CDK14: variants seen among roughly 807,000 people sequenced by gnomAD.
CDK14 encodes the protein cyclin-dependent kinase 14.
Under a neutral mutation model 60.7 loss-of-function variants are expected in CDK14, and 34 were observed. The ratio of observed to expected loss-of-function variants is 0.56; its 90% confidence interval spans 0.43 to 0.75. CDK14 has a LOEUF of 0.75. Ranked by LOEUF, CDK14 falls within the 30% of genes least tolerant of loss-of-function variation. The probability of loss-of-function intolerance (pLI) is 0.00; values close to 1 mark genes in which losing one functional copy is unlikely to be tolerated. For missense variants in CDK14, 482 were observed against 564.1 expected, an observed-to-expected ratio of 0.85 and a Z score of 1.47; for synonymous variants, 197 against 203.7, an observed-to-expected ratio of 0.97 and a Z score of 0.28.
Position 90,596,572 on chromosome 7 carries a change from G to A in CDK14, c.-56G>A. 3 of 1,489,314 alleles carry A rather than the reference G, an allele frequency of 2.0e-6. No homozygotes were observed. The highest frequency in any genetic ancestry group is 2.8e-6 in the Non-Finnish European group (3 of 1,072,240). 92.3% of individuals were successfully genotyped at this position (1,489,314 alleles called of 1,614,324 possible). ...CCCCGCGGCGCGCGCCCTCGCCGTT[G>A]TCTGAGCTGTGCCTGGACCAGTTTG... On this transcript the variant is annotated 5_prime_UTR_variant, in exon 1 of 15. Coordinates refer to ENST00000380050, the MANE Select transcript of CDK14 (RefSeq NM_001287135.2).
At chr7:90,688,954 G>A (rs1801499403) in intron 2 of CDK14, among the ~76,000 whole-genome samples, 1 of 152,058 alleles carries the variant, frequency 6.6e-6, no homozygotes, top group South Asian at 2.1e-4. Context: ...GAGACTTTGT[G>A]TTCAGCATTG....
At chr7:90,994,217 C>A (rs1795616222) in intron 10 of CDK14, among the ~76,000 whole-genome samples, 1 of 152,274 alleles carries the variant, frequency 6.6e-6, no homozygotes, top group Non-Finnish European at 1.5e-5. Context: ...CTCGACTAAT[C>A]AGGGCTGGAG....
At chr7:90,734,508 C>G (rs1779214602) in intron 3 of CDK14, among the ~76,000 whole-genome samples, 1 of 152,152 alleles carries the variant, frequency 6.6e-6, no homozygotes, top group Admixed American at 6.5e-5. Flanking sequence ...TTATTTGCTT[C>G]TTTTCACTCT....
intron 10 of CDK14, among the ~76,000 whole-genome samples, chr7:91,001,405 G>A (rs802383): frequency 0.41 from 62,779 of 151,926 alleles, 13,502 homozygotes; most frequent in East Asian, 0.52. Flanking sequence ...GCTTCAGATG[G>A]TAAGATAAAA....
At chr7:90,926,339 C>G (rs920049656) in intron 8 of CDK14, among the ~76,000 whole-genome samples, 3 of 152,140 alleles carry the variant, frequency 2.0e-5, no homozygotes, top group Non-Finnish European at 2.9e-5. Flanking sequence ...AGAAATGATA[C>G]AAAGAATGCT....
intron 14 of CDK14, among the ~76,000 whole-genome samples, chr7:91,179,234 C>T (rs975706998): frequency 6.6e-6 from 1 of 151,522 alleles, no homozygotes; most frequent in Non-Finnish European, 1.5e-5. Flanking sequence ...AATTATCATT[C>T]TCAGTAAACT....
chr7:90,658,442 C>T (rs1403694774), intron 2 of CDK14, among the ~76,000 whole-genome samples: 3 of 152,168 alleles, frequency 2.0e-5, no homozygotes, highest in Admixed American at 6.5e-5. Context: ...GGGCTCCACC[C>T]TCGTGATCTA....
chr7:90,743,548 C>T (rs7796181), intron 3 of CDK14, among the ~76,000 whole-genome samples: 66,148 of 151,906 alleles, frequency 0.44, 15,238 homozygotes, highest in East Asian at 0.82. Context: ...CCCATATATC[C>T]CTTAATTATT....
intron 14 of CDK14, among the ~76,000 whole-genome samples, chr7:91,181,642 A>G (rs1007859874): frequency 6.6e-6 from 1 of 152,176 alleles, no homozygotes; most frequent in Non-Finnish European, 1.5e-5. Context: ...AGACAAGATG[A>G]AGGCTTGGTT....
At chr7:91,141,896 G>A (rs950915238) in intron 14 of CDK14, among the ~76,000 whole-genome samples, 10 of 151,918 alleles carry the variant, frequency 6.6e-5, no homozygotes, top group Non-Finnish European at 1.2e-4. Flanking sequence ...CGTGATCTCC[G>A]CTCACTGCAA....
rs541296700 is a variant in CDK14 at position 90,963,015 on chromosome 7, G to A, written c.947+7198G>A. On this transcript the variant is annotated intron_variant, in intron 9 of 14. Coordinates refer to ENST00000380050, the MANE Select transcript of CDK14 (RefSeq NM_001287135.2). The stretch of plus-strand genomic sequence containing the variant: ...ATAAAAGCTGCTCTATTTGGTTTTA[G>A]GGAAATTAACATACTGCCTGTGTCT... Among the ~76,000 whole-genome samples the A allele has an allele frequency of 2.0e-4, 31 of 151,950 alleles. No individual in the cohort carries two copies. In the East Asian group the frequency reaches 5.6e-3, roughly 28 times the overall value.
intron 5 of CDK14, among the ~76,000 whole-genome samples, chr7:90,818,884 ATATG>A (rs1009961755): frequency 2.6e-4 from 9 of 34,160 alleles, no homozygotes; most frequent in African/African-American, 5.0e-4. Flanking sequence ...GTGTGTATAT[ATATG>A]TGTGTGTGTG....
intron 2 of CDK14, among the ~76,000 whole-genome samples, chr7:90,722,446 T>C (rs905317766): frequency 6.6e-6 from 1 of 152,136 alleles, no homozygotes; most frequent in Non-Finnish European, 1.5e-5. Context: ...GCTCAAATGA[T>C]CCACCTGCCA....
intron 8 of CDK14, among the ~76,000 whole-genome samples, chr7:90,935,876 C>G (rs1354619308): frequency 6.6e-6 from 1 of 151,950 alleles, no homozygotes; most frequent in East Asian, 1.9e-4. Flanking sequence ...TAGTGAGACC[C>G]TGTTTCTACA....
chr7:90,889,873 A>G (rs1365186086), intron 6 of CDK14, among the ~76,000 whole-genome samples: 1 of 152,234 alleles, frequency 6.6e-6, no homozygotes, highest in African/African-American at 2.4e-5. Flanking sequence ...TCATCATACC[A>G]TGTCTTATGA....
At chr7:91,006,861 T>C (rs1339124858) in intron 10 of CDK14, among the ~76,000 whole-genome samples, 1 of 152,228 alleles carries the variant, frequency 6.6e-6, no homozygotes, top group Non-Finnish European at 1.5e-5. Context: ...CATATAAATC[T>C]TCATTTTGCT....
rs141487987 is a variant in CDK14, at chr7:90,994,647, C to T, written c.1041+10406C>T. Among the ~76,000 whole-genome samples, 27 of 152,192 alleles carry T rather than the reference C, an allele frequency of 1.8e-4. No individual in the cohort carries two copies. The East Asian group carries it at 5.2e-3, about 29-fold the overall frequency. ...AAGTTCCTGAATTTTTTGTTTTTCC[C>T]ATACTCCTTATAGCCATTATATTAC... On this transcript the variant is annotated intron_variant, in intron 10 of 14. Transcript: ENST00000380050.
intron 2 of CDK14, among the ~76,000 whole-genome samples, chr7:90,614,450 C>T (rs1183476988): frequency 1.3e-5 from 2 of 152,080 alleles, no homozygotes; most frequent in African/African-American, 4.8e-5. Context: ...GAGCTTTCAT[C>T]ATTTTAAGGG....
intron 11 of CDK14, among the ~76,000 whole-genome samples, chr7:91,063,428 C>G (rs537383088): frequency 6.6e-6 from 1 of 152,238 alleles, no homozygotes; most frequent in African/African-American, 2.4e-5. Context: ...ATTTCCTTCA[C>G]GTACACTGTC....
Sources: allele counts gnomAD v4.1 joint callset (sites outside exome capture counted in the v4.1 genomes callset), GRCh38; gene constraint gnomAD v4.1.1; transcripts MANE v1.5; gene names NCBI Gene and HGNC (gene_info 2026-07-23, HGNC 2026-07-21).